Variants in MED27 observed in about 807,000 individuals in gnomAD.
MED27 encodes mediator complex subunit 27, also known as mediator of RNA polymerase II transcription subunit 27.
Under a neutral mutation model 38.2 loss-of-function variants are expected in MED27, and 30 were observed. The observed-to-expected ratio is 0.79, with a 90% CI of 0.59 to 1.07. MED27 has a LOEUF of 1.07. Ranked by LOEUF, MED27 falls within the 50% of genes least tolerant of loss-of-function variation. The pLI is 0.00. For missense variants in MED27, 289 were observed against 397.5 expected (o/e 0.73, Z 2.32); for synonymous variants, 122 against 153.5 (o/e 0.79, Z 1.52).
intron 4 of MED27, among the ~76,000 whole-genome samples, chr9:131,929,131 G>A (rs1376268289): frequency 6.6e-6 from 1 of 152,198 alleles, no homozygotes; most frequent in East Asian, 1.9e-4. Context: ...AAGGGAATCT[G>A]CTCCCTTGAA....
At chr9:131,898,525 T>A (rs1349665301) in intron 4 of MED27, among the ~76,000 whole-genome samples, 1 of 148,988 alleles carries the variant, frequency 6.7e-6, no homozygotes, top group Admixed American at 6.7e-5. Context: ...CAATTCTTAT[T>A]TTTTATAGAG....
intron 2 of MED27, among the ~76,000 whole-genome samples, chr9:132,040,786 C>A (rs567221196): frequency 6.6e-6 from 1 of 152,218 alleles, no homozygotes; most frequent in Admixed American, 6.5e-5. Context: ...CCAGCACACA[C>A]GGCAGGATAT....
At chr9:131,880,365 T>G (rs946762389) in intron 6 of MED27, among the ~76,000 whole-genome samples, 7 of 152,212 alleles carry the variant, frequency 4.6e-5, no homozygotes, top group African/African-American at 1.4e-4. Flanking sequence ...ACTCACTAAT[T>G]TAATTCTTAC....
chr9:132,052,685 C>T (rs145269188), intron 2 of MED27, among the ~76,000 whole-genome samples: 1,404 of 139,028 alleles, frequency 0.01, 16 homozygotes, highest in Non-Finnish European at 0.017. Context: ...CACCTTTCTC[C>T]GTCCTCAATG....
intron 2 of MED27, among the ~76,000 whole-genome samples, chr9:132,023,615 G>C (rs965774257): frequency 6.6e-6 from 1 of 152,118 alleles, no homozygotes; most frequent in African/African-American, 2.4e-5. Flanking sequence ...AGTCTGCTGG[G>C]AGACACCTGG....
chr9:132,067,394 C>T (rs1011263490), intron 2 of MED27, among the ~76,000 whole-genome samples: 6 of 152,174 alleles, frequency 3.9e-5, no homozygotes, highest in Admixed American at 1.3e-4. Context: ...AGCCTTGCTT[C>T]CCAGAGATGT....
Position 131,893,867 on chromosome 9 carries a change from A to AGACT in MED27, c.681+14_681+17dup. Reference sequence around the variant, plus strand: ...GATACAGAAAACCAAGGAACACACAAGACTGCACAATGCTTACCTTGCCAT... The same window carrying AGACT: ...GATACAGAAAACCAAGGAACACACAAGACTGACTGCACAATGCTTACCTTGCCAT... On this transcript the variant is annotated intron_variant, in intron 5 of 7. Transcript: ENST00000292035. The AGACT allele has an allele frequency of 6.3e-7, 1 of 1,585,100 alleles. No individual in the cohort carries two copies. The highest frequency in any genetic ancestry group is 8.7e-7 in the Non-Finnish European group (1 of 1,154,386).
rs201134628 is a variant in MED27, at chr9:131,939,479, A to G, written c.480-5T>C. The G allele has an allele frequency of 7.2e-5, 115 of 1,592,120 alleles. 1 individual carries two copies. The East Asian group carries it at 1.6e-3, about 22-fold the overall frequency. On this transcript the variant is annotated splice_region_variant and splice_polypyrimidine_tract_variant and intron_variant, in intron 3 of 7. Coordinates refer to ENST00000292035, the MANE Select transcript of MED27 (RefSeq NM_004269.4). Reference sequence around the variant, plus strand: ...CTGATCACATCATCAACATATCTACATGGGAAAAAAATAAACATGTGTGAA... The same window carrying G: ...CTGATCACATCATCAACATATCTACGTGGGAAAAAAATAAACATGTGTGAA...
intron 2 of MED27, among the ~76,000 whole-genome samples, chr9:132,069,450 G>A (rs575625565): frequency 1.3e-5 from 2 of 152,210 alleles, no homozygotes; most frequent in Non-Finnish European, 2.9e-5. Context: ...TAGAATGATA[G>A]GGGCATGGCT....
chr9:131,951,805 A>G (rs549664341), intron 3 of MED27, among the ~76,000 whole-genome samples: 1 of 152,380 alleles, frequency 6.6e-6, no homozygotes, highest in East Asian at 1.9e-4. Flanking sequence ...ACAAAGCCTC[A>G]AAAAGTTAAT....
At chr9:131,996,244 C>T (rs184469314) in intron 3 of MED27, among the ~76,000 whole-genome samples, 2 of 152,266 alleles carry the variant, frequency 1.3e-5, no homozygotes, top group Admixed American at 1.3e-4. Context: ...AGCCTGGGTA[C>T]CCCTGGATAC....
intron 3 of MED27, among the ~76,000 whole-genome samples, chr9:131,961,593 T>G (rs1402415067): frequency 2.0e-5 from 3 of 152,224 alleles, no homozygotes; most frequent in African/African-American, 7.2e-5. Context: ...AGATTTCCAC[T>G]GTAAATAATG....
chr9:131,949,576 G>A (rs560439777), intron 3 of MED27, among the ~76,000 whole-genome samples: 1 of 152,292 alleles, frequency 6.6e-6, no homozygotes, highest in East Asian at 1.9e-4. Context: ...TTAGGTCTGC[G>A]AGGATTCCTT....
chr9:131,888,038 T>G (rs964551510), intron 5 of MED27, among the ~76,000 whole-genome samples: 1 of 151,698 alleles, frequency 6.6e-6, no homozygotes, highest in Non-Finnish European at 1.5e-5. Flanking sequence ...GAAGAACTGG[T>G]GAAAATGGTG....
intron 3 of MED27, among the ~76,000 whole-genome samples, chr9:131,985,456 A>G (rs1393197105): frequency 6.6e-6 from 1 of 152,202 alleles, no homozygotes; most frequent in Non-Finnish European, 1.5e-5. Context: ...GACCGCATAT[A>G]TGACAGTGGT....
chr9:132,000,131 C>T (rs1182794022), intron 3 of MED27, among the ~76,000 whole-genome samples: 1 of 90,734 alleles, frequency 1.1e-5, no homozygotes. Context: ...CACTTTTGAT[C>T]AAAAGTAAAA....
Position 131,894,008 on chromosome 9 carries a change from T to A in MED27, c.574-16A>T. On this transcript the variant is annotated splice_polypyrimidine_tract_variant and intron_variant, in intron 4 of 7. Transcript: ENST00000292035. ...CCAAGGTCACCTGCCAAAACACATG[T>A]AAGCTGACACTTGAACACGCAAATC... is the stretch of plus-strand genomic sequence containing the variant. 6.2e-7 allele frequency: 1 copy of A among 1,601,966 alleles called. No homozygotes were observed. Among genetic ancestry groups the A allele is most frequent in the Non-Finnish European group, 8.6e-7 (1 of 1,169,000 alleles).
rs1833311453 is a variant in MED27 at position 132,045,429 on chromosome 9, CACA to C, written c.349-30965_349-30963del. On this transcript the variant is annotated intron_variant, in intron 2 of 7. Transcript: ENST00000292035. ...AGAGGAAATTACACACACACACACA[CACA>C]CACACACACACACACACACACAGAC... Among the ~76,000 whole-genome samples the C allele has an allele frequency of 7.9e-5, 12 of 151,262 alleles. 2 individuals are homozygous for C. The South Asian group carries it at 2.5e-3, about 32-fold the overall frequency.
At chr9:131,907,878 T>C (rs2131530749) in intron 4 of MED27, among the ~76,000 whole-genome samples, 1 of 146,254 alleles carries the variant, frequency 6.8e-6, no homozygotes, top group East Asian at 2.1e-4. Flanking sequence ...CCGCCCCGTC[T>C]GGGATGTGAG....
Sources: allele counts gnomAD v4.1 joint callset (sites outside exome capture counted in the v4.1 genomes callset), GRCh38; gene constraint gnomAD v4.1.1; transcripts MANE v1.5; gene names NCBI Gene and HGNC (gene_info 2026-07-23, HGNC 2026-07-21).